ACOT12: variants seen among roughly 807,000 people sequenced by gnomAD.
ACOT12 encodes acetyl-coenzyme A thioesterase.
Under a neutral mutation model 67.7 loss-of-function variants are expected in ACOT12, and 51 were observed. The ratio of observed to expected loss-of-function variants is 0.75; its 90% CI spans 0.60 to 0.95. The LOEUF is 0.95. ACOT12 is among the 40% of genes least tolerant of loss of function. The probability of loss-of-function intolerance (pLI) is 0.00; values close to 1 mark genes in which losing one functional copy is unlikely to be tolerated. For missense variants in ACOT12, 734 were observed against 708.1 expected, an observed-to-expected ratio of 1.04 and a Z score of -0.41; for synonymous variants, 251 against 244.6, an observed-to-expected ratio of 1.03 and a Z score of -0.24.
intron 3 of ACOT12, among the ~76,000 whole-genome samples, chr5:81,367,572 A>G (rs1350000460): frequency 6.6e-6 from 1 of 152,218 alleles, no homozygotes; most frequent in African/African-American, 2.4e-5. Context: ...ACAAATATGT[A>G]TAGTTAAAAC....
Position 81,363,891 on chromosome 5 carries a change from TA to T in ACOT12, c.259-3del. The T allele has an allele frequency of 6.4e-7, 1 of 1,558,064 alleles. No individual in the cohort carries two copies. The highest frequency in any genetic ancestry group is 2.3e-5 in the East Asian group (1 of 42,848). On this transcript the variant is annotated splice_region_variant and splice_polypyrimidine_tract_variant and intron_variant, in intron 3 of 14. Transcript: ENST00000307624. ...CTGTACCATGACCTTGATACTGATC[TA>T]AAATGAAAAAAAGATAAATAAATAC...
At chr5:81,310,488 GAAA>G in the ACOT12 span, among the ~76,000 whole-genome samples, 1 of 151,818 alleles carries the variant, frequency 6.6e-6, no homozygotes, top group Non-Finnish European at 1.5e-5. Context: ...AAAAAAAAAA[GAAA>G]ATTCAGCCAG....
intron 1 of ACOT12, among the ~76,000 whole-genome samples, chr5:81,392,608 T>C (rs183883111): frequency 6.6e-6 from 1 of 152,344 alleles, no homozygotes; most frequent in East Asian, 1.9e-4. Flanking sequence ...TTCAGTGGTC[T>C]CATAATGTAT....
Position 81,332,476 on chromosome 5 carries a change from C to T in ACOT12, c.1391+1G>A. On this transcript the variant is annotated splice_donor_variant, in intron 13 of 14. Transcript: ENST00000307624. LOFTEE classifies it high-confidence loss of function. ...AGAACACTTGGACTGCATATACTCA[C>T]CCATCTTTGAGGGGTTTTCTTCGTG... The T allele has an allele frequency of 1.2e-6, 2 of 1,613,916 alleles. No homozygotes were observed. Among genetic ancestry groups the T allele is most frequent in the Non-Finnish European group, 1.7e-6 (2 of 1,179,910 alleles).
intron 3 of ACOT12, among the ~76,000 whole-genome samples, chr5:81,365,550 A>T (rs191890407): frequency 1.2e-4 from 18 of 152,360 alleles, no homozygotes; most frequent in Admixed American, 3.3e-4. Flanking sequence ...CTACTAGAAG[A>T]GTTAACTTAG....
intron 8 of ACOT12, 49 bp downstream of exon 8, chr5:81,344,842 C>G (rs373539007): frequency 1.2e-6 from 2 of 1,602,864 alleles, no homozygotes; most frequent in Admixed American, 3.3e-5. Context: ...CTAGGTAGAG[C>G]TCTCTATTCA....
At chr5:81,382,370 C>T (rs1278504154) in intron 2 of ACOT12, among the ~76,000 whole-genome samples, 1 of 152,070 alleles carries the variant, frequency 6.6e-6, no homozygotes, top group Non-Finnish European at 1.5e-5. Context: ...AAAGATGAGA[C>T]TGAAACATTT....
chr5:81,332,110 C>A (rs1344540829), intron 13 of ACOT12, among the ~76,000 whole-genome samples: 1 of 152,208 alleles, frequency 6.6e-6, no homozygotes, highest in Non-Finnish European at 1.5e-5. Flanking sequence ...TGACAACCAG[C>A]CATGGTGGAT....
rs116740694 is a variant in ACOT12, at chr5:81,333,119, A to G, written c.1263-514T>C. The stretch of plus-strand genomic sequence containing the variant: ...CAAAAAACGCAAGAGCTCTTTGATC[A>G]GAAGGAATAATTCTGCAAGTGATAG... On this transcript the variant is annotated intron_variant, in intron 12 of 14. Coordinates refer to ENST00000307624, the MANE Select transcript of ACOT12 (RefSeq NM_130767.3). 8.1e-3 allele frequency among the ~76,000 whole-genome samples: 1,227 copies of G among 151,918 alleles called. 15 individuals carry two copies. The highest frequency in any genetic ancestry group is 0.029 in the African/African-American group (1,182 of 41,428).
chr5:81,373,276 C>T (rs1760309861), intron 2 of ACOT12, among the ~76,000 whole-genome samples: 1 of 152,166 alleles, frequency 6.6e-6, no homozygotes, highest in South Asian at 2.1e-4. Context: ...AGGGGATTTC[C>T]CTCCCCTAGC....
At chr5:81,322,021 C>A in the ACOT12 span, among the ~76,000 whole-genome samples, 1 of 151,726 alleles carries the variant, frequency 6.6e-6, no homozygotes, top group Non-Finnish European at 1.5e-5. Flanking sequence ...CAGAGAAATG[C>A]TGAGATCGAT....
chr5:81,375,636 G>C (rs559681960), intron 2 of ACOT12, among the ~76,000 whole-genome samples: 1 of 151,670 alleles, frequency 6.6e-6, no homozygotes, highest in Non-Finnish European at 1.5e-5. Context: ...TAAAGGGATG[G>C]AGGAATATTT....
intron 2 of ACOT12, among the ~76,000 whole-genome samples, chr5:81,382,975 A>AT (rs756819833): frequency 1.3e-5 from 2 of 152,214 alleles, no homozygotes; most frequent in Non-Finnish European, 2.9e-5. Flanking sequence ...TATTTTAGAA[A>AT]ATAAATGAAG....
chr5:81,371,701 A>G (rs1760258863), intron 3 of ACOT12, 49 bp downstream of exon 3: 2 of 1,561,136 alleles, frequency 1.3e-6, no homozygotes, highest in African/African-American at 1.4e-5. Flanking sequence ...TTTGTAAACA[A>G]TGAAGAAGTG....
intron 2 of ACOT12, among the ~76,000 whole-genome samples, chr5:81,384,385 C>T (rs917768668): frequency 6.6e-6 from 1 of 151,812 alleles, no homozygotes; most frequent in African/African-American, 2.4e-5. Context: ...TGATCCACCC[C>T]CCTAGGCCTC....
intron 11 of ACOT12, among the ~76,000 whole-genome samples, chr5:81,341,782 A>G (rs1759200365): frequency 6.6e-6 from 1 of 152,176 alleles, no homozygotes; most frequent in African/African-American, 2.4e-5. Flanking sequence ...GTCTCTTTAA[A>G]CCTGATGGCA....
chr5:81,320,955 C>T, the ACOT12 span, among the ~76,000 whole-genome samples: 1 of 152,118 alleles, frequency 6.6e-6, no homozygotes. Context: ...CTCTCTGGTT[C>T]AATAGATAGT....
rs144835485 is a variant in ACOT12 at position 81,347,902 on chromosome 5, C to T, written c.525G>A (p.Ala175=). 89 of 1,613,508 alleles carry T rather than the reference C, an allele frequency of 5.5e-5. No homozygotes were observed. Among genetic ancestry groups the T allele is most frequent in the Non-Finnish European group, 6.9e-5 (81 of 1,179,818 alleles). Residue 175 remains alanine, a synonymous_variant, in exon 6 of 15, where the codon GCG becomes GCA. Transcript: ENST00000307624. ...GAACGGAGGTGCCCCTTGTGGAAAC[C>T]GCTCCTTCCTCTTCATCAAAAATGA... The part of the protein sequence containing the change: ...DDLIFDEEEG[A]VSTRGTSVQS...
chr5:81,356,900 C>T (rs934944134), intron 5 of ACOT12, among the ~76,000 whole-genome samples: 2 of 152,028 alleles, frequency 1.3e-5, no homozygotes, highest in Admixed American at 1.3e-4. Flanking sequence ...AGTGCAAACC[C>T]AGTCATGCCC....
Sources: allele counts gnomAD v4.1 joint callset (sites outside exome capture counted in the v4.1 genomes callset), GRCh38; gene constraint gnomAD v4.1.1; transcripts MANE v1.5; gene names NCBI Gene and HGNC (gene_info 2026-07-23, HGNC 2026-07-21).